The following TNFAIP6 variants were observed in gnomAD, a reference collection of about 807,000 sequenced individuals.
TNFAIP6 encodes TNF alpha induced protein 6.
In TNFAIP6, 36 loss-of-function variants were observed where a neutral mutation model predicts 33.7. That is an observed-to-expected ratio of 1.07 (90% CI 0.82 to 1.41). The LOEUF (loss-of-function observed/expected upper bound fraction) is 1.41. Among genes scored for constraint, TNFAIP6 ranks in the 40% most tolerant of loss-of-function variants. The pLI is 0.00. For missense variants in TNFAIP6, 273 were observed against 331.9 expected (o/e 0.82, Z 1.38); for synonymous variants, 113 against 112.8 (o/e 1.00, Z -0.01).
chr2:151,363,209 G>A (rs1039925816), intron 1 of TNFAIP6, among the ~76,000 whole-genome samples: 1 of 152,008 alleles, frequency 6.6e-6, no homozygotes, highest in Admixed American at 6.6e-5. Flanking sequence ...CCAGCTACTC[G>A]GAAGGCTGAG....
chr2:151,379,101 C>T (rs1222477079), intron 5 of TNFAIP6, among the ~76,000 whole-genome samples: 2 of 151,946 alleles, frequency 1.3e-5, no homozygotes, highest in Non-Finnish European at 2.9e-5. Flanking sequence ...GAGACTCCAT[C>T]TCAAAAATAA....
chr2:151,375,125 CAAAAAAA>C (rs71403161), intron 5 of TNFAIP6, among the ~76,000 whole-genome samples: 1 of 78,932 alleles, frequency 1.3e-5, no homozygotes, highest in African/African-American at 5.4e-5. Context: ...AACTCCGTCT[CAAAAAAA>C]AAAAAAAAAA....
At chr2:151,373,645 A>C (rs1050482433) in intron 5 of TNFAIP6, 56 bp downstream of exon 5, 2 of 1,030,212 alleles carry the variant, frequency 1.9e-6, no homozygotes, top group African/African-American at 1.6e-5. Context: ...AGTGTCCCTG[A>C]AAGTAAAGGG....
chr2:151,358,462 G>A (rs1028161227), intron 1 of TNFAIP6, among the ~76,000 whole-genome samples: 1 of 152,080 alleles, frequency 6.6e-6, no homozygotes, highest in East Asian at 1.9e-4. Flanking sequence ...AAAGGAAAAT[G>A]CAGAAAATCC....
chr2:151,360,605 A>G (rs947044952), intron 1 of TNFAIP6, among the ~76,000 whole-genome samples: 2 of 152,236 alleles, frequency 1.3e-5, no homozygotes, highest in Non-Finnish European at 2.9e-5. Flanking sequence ...TAATAGCTCA[A>G]AATTCTGAAT....
At chr2:151,359,537 C>T (rs534065915) in intron 1 of TNFAIP6, among the ~76,000 whole-genome samples, 163 of 152,064 alleles carry the variant, frequency 1.1e-3, no homozygotes, top group African/African-American at 3.3e-3. Context: ...TACAGGCACC[C>T]GCCACCACGC....
At position 151,379,533 on chromosome 2, in the gene TNFAIP6, A is replaced by C; in HGVS notation, c.834A>C (p.Ter278TyrextTer6). Reference protein sequence around the residue: ...NFLAGRFSHL* With the variant: ...NFLAGRFSHLY ...TAGCTGGAAGATTTAGCCACTTATA[A>C]AAAAAAAAAAAAGGATGATCAAAAC... Residue 278 changes from the stop codon to tyrosine, a stop_lost, in exon 6 of 6, where the codon TAA (stop) becomes TAC (tyrosine). Coordinates refer to ENST00000243347, the MANE Select transcript of TNFAIP6 (RefSeq NM_007115.4). The C allele has an allele frequency of 1.9e-6, 1 of 523,058 alleles. No individual in the cohort carries two copies. The highest frequency in any genetic ancestry group is 2.5e-6 in the Non-Finnish European group (1 of 395,186). 32.4% of individuals were successfully genotyped at this position (523,058 alleles called of 1,614,324 possible). A position where few individuals can be genotyped will look rare whatever the true frequency, so the allele number is the denominator to read the frequency against.
At chr2:151,365,084 G>A (rs2152013780) in intron 2 of TNFAIP6, among the ~76,000 whole-genome samples, 1 of 152,308 alleles carries the variant, frequency 6.6e-6, no homozygotes, top group South Asian at 2.1e-4. Flanking sequence ...CTGATAGGGT[G>A]CAGTGGTTCA....
chr2:151,365,917 G>A (rs1332247329), intron 2 of TNFAIP6, 139 bp from the exon 3 acceptor site: 1 of 700,588 alleles, frequency 1.4e-6, no homozygotes. Context: ...AATTAAGGAA[G>A]CAATTTTCTC....
chr2:151,367,201 T>C (rs1489164033), intron 3 of TNFAIP6, among the ~76,000 whole-genome samples: 1 of 152,166 alleles, frequency 6.6e-6, no homozygotes, highest in Non-Finnish European at 1.5e-5. Context: ...CAAAATTATG[T>C]GTAGTCCAAG....
In TNFAIP6 at chr2:151,363,804, T is replaced by TA. The variant is rs1304020898; in HGVS notation, c.95-138dup. 3 of 946,336 alleles carry TA rather than the reference T, an allele frequency of 3.2e-6. No individual in the cohort carries two copies. The Admixed American group carries it at 1.1e-4, about 35-fold the overall frequency. The allele number at this position is 946,336 out of a possible 1,614,324, so 58.6% of individuals were successfully genotyped here. The stretch of plus-strand genomic sequence containing the variant: ...CCAAAGTTTCCTAACAGTGAAAACT[T>TA]AGCTACCCAAGGCAGCCAACCCAGA... On this transcript the variant is annotated intron_variant, in intron 1 of 5. Transcript: ENST00000243347.
chr2:151,362,766 A>C (rs1684649395), intron 1 of TNFAIP6, among the ~76,000 whole-genome samples: 1 of 152,144 alleles, frequency 6.6e-6, no homozygotes, highest in Non-Finnish European at 1.5e-5. Context: ...TTGGGATTAT[A>C]GGCGTGAGCC....
At chr2:151,376,302 C>T (rs1684905269) in intron 5 of TNFAIP6, among the ~76,000 whole-genome samples, 1 of 151,612 alleles carries the variant, frequency 6.6e-6, no homozygotes. Context: ...CCTGTAGTCC[C>T]AGCTACTCGG....
chr2:151,379,753 A>G lies in TNFAIP6; in HGVS notation c.*220A>G, dbSNP rs1291486883. Reference sequence around the variant, plus strand: ...AAATAACAAGCGTTAACATTTTCATATTTTTTTCTTTCAGTCATTTTTCTA... The same window carrying G: ...AAATAACAAGCGTTAACATTTTCATGTTTTTTTCTTTCAGTCATTTTTCTA... On this transcript the variant is annotated 3_prime_UTR_variant, in exon 6 of 6. Transcript: ENST00000243347. The G allele has an allele frequency of 3.1e-6, 1 of 318,370 alleles. No homozygotes were observed. The highest frequency in any genetic ancestry group is 5.6e-6 in the Non-Finnish European group (1 of 179,500). 19.7% of individuals were successfully genotyped at this position (318,370 alleles called of 1,614,324 possible). A position where few individuals can be genotyped will look rare whatever the true frequency, so the allele number is the denominator to read the frequency against.
At chr2:151,363,804 T>C in intron 1 of TNFAIP6, 139 bp from the exon 2 acceptor site, 1 of 946,454 alleles carries the variant, frequency 1.1e-6, no homozygotes, top group Non-Finnish European at 1.5e-6. Flanking sequence ...AGTGAAAACT[T>C]AGCTACCCAA....
chr2:151,380,590 C>T (rs993746538), downstream of TNFAIP6, among the ~76,000 whole-genome samples: 3 of 152,068 alleles, frequency 2.0e-5, no homozygotes, highest in South Asian at 2.1e-4. Flanking sequence ...GAGCAGAGGA[C>T]GTTGGTTTTA....
chr2:151,360,670 A>G (rs1181975779), intron 1 of TNFAIP6, among the ~76,000 whole-genome samples: 2 of 152,378 alleles, frequency 1.3e-5, no homozygotes, highest in East Asian at 1.9e-4. Context: ...ACATACTCCA[A>G]GAGTTCTCTA....
intron 3 of TNFAIP6, among the ~76,000 whole-genome samples, chr2:151,366,893 A>G (rs1684722020): frequency 6.6e-6 from 1 of 152,146 alleles, no homozygotes; most frequent in African/African-American, 2.4e-5. Context: ...ATTAACTCAT[A>G]ATTACTATAA....
chr2:151,380,366 TTTTAC>T (rs1175807438), downstream of TNFAIP6, among the ~76,000 whole-genome samples: 1 of 152,218 alleles, frequency 6.6e-6, no homozygotes, highest in Admixed American at 6.5e-5. Flanking sequence ...ATATTTTGTC[TTTTAC>T]TTTAATGGTT....
Sources: gnomAD v4.1 joint callset for allele counts (sites outside exome capture counted in the v4.1 genomes callset) on GRCh38, gnomAD v4.1.1 for gene constraint, MANE v1.5 for transcripts, NCBI Gene and HGNC (gene_info 2026-07-23, HGNC 2026-07-21) for gene names.